The following CHRNA5 variants were observed in gnomAD, a reference collection of about 807,000 sequenced individuals.
The protein encoded by CHRNA5 is cholinergic receptor nicotinic alpha 5 subunit.
Under a neutral mutation model 41.2 loss-of-function variants are expected in CHRNA5, and 28 were observed. The observed-to-expected ratio is 0.68, with a 90% CI of 0.50 to 0.93. The LOEUF is 0.93. Ranked by LOEUF, CHRNA5 falls within the 40% of genes least tolerant of loss-of-function variation. The pLI, the probability that CHRNA5 is intolerant of heterozygous loss-of-function variation, is 0.00. For missense variants in CHRNA5, 481 were observed against 581.9 expected, an observed-to-expected ratio of 0.83 and a Z score of 1.78; for synonymous variants, 188 against 205.8, an observed-to-expected ratio of 0.91 and a Z score of 0.74.
At chr15:78,572,211 C>A (rs888463268) in intron 1 of CHRNA5, among the ~76,000 whole-genome samples, 1 of 152,102 alleles carries the variant, frequency 6.6e-6, no homozygotes, top group South Asian at 2.1e-4. Flanking sequence ...TTAAAATGTG[C>A]GCCCCCTTGA....
intron 2 of CHRNA5, among the ~76,000 whole-genome samples, chr15:78,585,481 A>T: frequency 6.6e-6 from 1 of 152,050 alleles, no homozygotes; most frequent in East Asian, 1.9e-4. Flanking sequence ...GTTTCCTCAT[A>T]CTTCTGTGAG....
chr15:78,573,963 ATTTT>A (rs979485573), intron 1 of CHRNA5, among the ~76,000 whole-genome samples: 6 of 102,098 alleles, frequency 5.9e-5, no homozygotes, highest in Non-Finnish European at 1.2e-4. Flanking sequence ...CGCCTGGCTA[ATTTT>A]TTTTTTTTTT....
At chr15:78,586,972 C>T (rs1374456707) in intron 3 of CHRNA5, among the ~76,000 whole-genome samples, 2 of 152,126 alleles carry the variant, frequency 1.3e-5, no homozygotes, top group African/African-American at 4.8e-5. Context: ...TTAGTCCGTT[C>T]TCACACTGCT....
At position 78,588,453 on chromosome 15, in the gene CHRNA5, T is replaced by C; in HGVS notation, c.413+30T>C. Reference sequence around the variant, plus strand: ...GTTATATTCTAAATATAGTTTTATATTTTCAAAAGAAAACATTTGTATTTC... The same window carrying C: ...GTTATATTCTAAATATAGTTTTATACTTTCAAAAGAAAACATTTGTATTTC... On this transcript the variant is annotated intron_variant, in intron 4 of 5. Coordinates refer to ENST00000299565, the Ensembl canonical transcript of CHRNA5. The surrounding 1 kb of genome is among the most constrained non-coding windows in gnomAD (Gnocchi z 4.1). 1 of 1,092,448 alleles carries C rather than the reference T, an allele frequency of 9.2e-7. No homozygotes were observed. The highest frequency in any genetic ancestry group is 1.6e-5 in the African/African-American group (1 of 61,596). 67.7% of individuals were successfully genotyped at this position (1,092,448 alleles called of 1,614,324 possible).
chr15:78,573,030 G>C (rs1162506990), intron 1 of CHRNA5, among the ~76,000 whole-genome samples: 1 of 152,096 alleles, frequency 6.6e-6, no homozygotes, highest in Non-Finnish European at 1.5e-5. Context: ...AATAAATCTG[G>C]GTCCTAGTTC....
intron 1 of CHRNA5, among the ~76,000 whole-genome samples, chr15:78,571,889 A>C (rs936047030): frequency 1.3e-5 from 2 of 152,178 alleles, no homozygotes; most frequent in African/African-American, 4.8e-5. Context: ...TGTTGGATAT[A>C]ATACACATTT....
At chr15:78,565,783 G>A in exon 1 of CHRNA5, 5 of 1,221,816 alleles carry the variant, frequency 4.1e-6, no homozygotes, top group Non-Finnish European at 5.1e-6. Context: ...GCTGGTCGCG[G>A]GGCGCTGCGG....
At chr15:78,578,831 G>T (rs1164527805) in intron 1 of CHRNA5, among the ~76,000 whole-genome samples, 1 of 152,094 alleles carries the variant, frequency 6.6e-6, no homozygotes, top group African/African-American at 2.4e-5. Flanking sequence ...AGTAAAAGTG[G>T]TTTTTTCGTA....
intron 1 of CHRNA5, among the ~76,000 whole-genome samples, chr15:78,579,327 C>T (rs1461719766): frequency 6.6e-6 from 1 of 152,178 alleles, no homozygotes; most frequent in African/African-American, 2.4e-5. Flanking sequence ...AATCTCGGCT[C>T]ACTGCAACCT....
At chr15:78,594,775 ATAT>A (rs1299514011) in exon 6 of CHRNA5, 1 of 152,194 alleles carries the variant, frequency 6.6e-6, no homozygotes, top group Non-Finnish European at 1.5e-5. Context: ...TATACCTGTA[ATAT>A]TTCAGTTTTC....
In CHRNA5 at chr15:78,565,807, G is replaced by C. The variant is rs982494622; in HGVS notation, c.88G>C (p.Ala30Pro). The change falls in exon 1 of 6, where the codon GCG becomes CCG. Residue 30 changes from alanine (A) to proline (P), a missense_variant. By Grantham distance (27) the Ala-to-Pro change is conservative. Coordinates refer to ENST00000299565, the Ensembl canonical transcript of CHRNA5. Reference sequence around the variant, plus strand: ...GGGGCGCTGCGGTCTAGCGGGCGCGGCGGGCGGCGCGCAGAGAGGTAAGCC... The same window carrying C: ...GGGGCGCTGCGGTCTAGCGGGCGCGCCGGGCGGCGCGCAGAGAGGTAAGCC... 1 of 1,222,614 alleles carries C rather than the reference G, an allele frequency of 8.2e-7. No homozygotes were observed. The highest frequency in any genetic ancestry group is 4.3e-5 in the Admixed American group (1 of 23,346). 75.7% of individuals were successfully genotyped at this position (1,222,614 alleles called of 1,614,324 possible). A position where few individuals can be genotyped will look rare whatever the true frequency, so the allele number is the denominator to read the frequency against.
intron 5 of CHRNA5, 92 bp from the exon 6 acceptor site, chr15:78,593,000 C>A (rs536798652): frequency 2.7e-6 from 4 of 1,479,582 alleles, no homozygotes; most frequent in Non-Finnish European, 3.6e-6. Flanking sequence ...AGGCAGAAAT[C>A]GATTTGGCTT....
chr15:78,590,742 A>G, intron 5 of CHRNA5, 106 bp downstream of exon 5: 1 of 891,054 alleles, frequency 1.1e-6, no homozygotes, highest in Non-Finnish European at 1.7e-6. Flanking sequence ...AGTAAGACTA[A>G]GCATAGATTG....
chr15:78,584,988 T>C (rs602070), intron 2 of CHRNA5, among the ~76,000 whole-genome samples: 152,285 of 152,290 alleles, frequency 1, 76,140 homozygotes, highest in Middle Eastern at 1. Flanking sequence ...GACATGATCT[T>C]GGCTCACTAC....
chr15:78,582,592 T>G (rs960939460), intron 2 of CHRNA5, among the ~76,000 whole-genome samples: 1 of 152,098 alleles, frequency 6.6e-6, no homozygotes, highest in African/African-American at 2.4e-5. Context: ...ACTGTAGCAC[T>G]AAATCATGAT....
intron 5 of CHRNA5, among the ~76,000 whole-genome samples, chr15:78,592,822 T>TTGG (rs1290081080): frequency 1.2e-4 from 19 of 152,210 alleles, no homozygotes; most frequent in African/African-American, 3.4e-4. Flanking sequence ...TATCCAAGTC[T>TTGG]ATTTTAATTT....
At chr15:78,569,432 A>ATT (rs202079097) in intron 1 of CHRNA5, among the ~76,000 whole-genome samples, 76 of 137,358 alleles carry the variant, frequency 5.5e-4, no homozygotes, top group African/African-American at 7.1e-4. Context: ...AAATATTGGA[A>ATT]TTTTTTTTTT....
chr15:78,571,385 C>T (rs919113331), intron 1 of CHRNA5, among the ~76,000 whole-genome samples: 5 of 152,176 alleles, frequency 3.3e-5, no homozygotes, highest in Non-Finnish European at 7.3e-5. Flanking sequence ...ATTCATAACT[C>T]GACATCTCTA....
At chr15:78,573,673 T>A (rs1213775366) in intron 1 of CHRNA5, among the ~76,000 whole-genome samples, 2 of 152,218 alleles carry the variant, frequency 1.3e-5, no homozygotes, top group African/African-American at 4.8e-5. Context: ...ACTGCTAATA[T>A]CCACATTTAG....
Sources: gnomAD v4.1 joint callset for allele counts (sites outside exome capture counted in the v4.1 genomes callset) on GRCh38, gnomAD v4.1.1 for gene constraint, Gnocchi (gnomAD v3.1) non-coding constraint, MANE v1.5 for transcripts, NCBI Gene and HGNC (gene_info 2026-07-23, HGNC 2026-07-21) for gene names.